WDFY4: variants seen among roughly 807,000 people sequenced by gnomAD.
The protein encoded by WDFY4 is WD repeat- and FYVE domain-containing protein 4.
Under a neutral mutation model 351.9 loss-of-function variants are expected in WDFY4, and 169 were observed. That is an observed-to-expected ratio of 0.48 (90% CI 0.42 to 0.55). The LOEUF (loss-of-function observed/expected upper bound fraction) is 0.55, where lower values mean the gene tolerates loss of function less well. WDFY4 is among the 20% of genes least tolerant of loss of function. WDFY4 has a pLI of 0.00. For missense variants in WDFY4, 3,803 were observed against 3,935.6 expected, an observed-to-expected ratio of 0.97 and a Z score of 0.90; for synonymous variants, 1,622 against 1,574.6, an observed-to-expected ratio of 1.03 and a Z score of -0.71.
intron 47 of WDFY4, among the ~76,000 whole-genome samples, chr10:48,904,603 C>T (rs1473384041): frequency 6.6e-6 from 1 of 152,118 alleles, no homozygotes. Context: ...TTCTCATAGG[C>T]GTTCTCATCA....
intron 43 of WDFY4, among the ~76,000 whole-genome samples, chr10:48,885,757 G>T (rs2070430122): frequency 6.6e-6 from 1 of 151,910 alleles, no homozygotes. Context: ...TAGATAGGTA[G>T]ATAGATAGAT....
At chr10:48,828,738 G>A (rs1368953101) in intron 36 of WDFY4, 40 bp from the exon 37 acceptor site, 10 of 1,250,148 alleles carry the variant, frequency 8.0e-6, no homozygotes, top group Non-Finnish European at 1.1e-5. Flanking sequence ...AAGGAAACTG[G>A]AATTTATTGG....
intron 20 of WDFY4, among the ~76,000 whole-genome samples, chr10:48,788,026 C>CTCCTTT (rs879558165): frequency 8.0e-6 from 1 of 124,958 alleles, no homozygotes; most frequent in Non-Finnish European, 1.6e-5. Context: ...CCTTCTCCTT[C>CTCCTTT]TCCTTTTCCT....
chr10:48,803,597 G>A (rs538698326), intron 25 of WDFY4, among the ~76,000 whole-genome samples: 1 of 152,268 alleles, frequency 6.6e-6, no homozygotes, highest in South Asian at 2.1e-4. Flanking sequence ...AGCACATACT[G>A]GGGGCTCAGC....
chr10:48,724,625 G>A (rs2064203287), intron 5 of WDFY4, among the ~76,000 whole-genome samples: 2 of 152,200 alleles, frequency 1.3e-5, no homozygotes, highest in South Asian at 4.1e-4. Flanking sequence ...GTGCCACAGG[G>A]AATAGACCAT....
chr10:48,963,772 C>T (rs1841962944), intron 53 of WDFY4, 70 bp from the exon 54 acceptor site: 5 of 1,457,294 alleles, frequency 3.4e-6, no homozygotes, highest in Admixed American at 2.0e-5. Flanking sequence ...GTGCCCCTTC[C>T]AATCTGTGCA....
In WDFY4 at chr10:48,731,301, C is replaced by T. The variant is rs1248183244; in HGVS notation, c.1321C>T (p.Pro441Ser). 6.4e-7 allele frequency: 1 copy of T among 1,551,792 alleles called. No homozygotes were observed. The highest frequency in any genetic ancestry group is 1.4e-5 in the African/African-American group (1 of 73,062). ...GTTTGTAGAGATCATGCCCCTGAAG[C>T]CGGCCCCAGTGCAGGAACACTTCTT... Reference protein sequence around the residue: ...SQFVEIMPLKPAPVQEHFFQL... With the variant: ...SQFVEIMPLKSAPVQEHFFQL... The change falls in exon 9 of 62, where the codon CCG becomes TCG. Residue 441 changes from proline to serine, a missense_variant. By Grantham distance (74) the Pro-to-Ser change is moderately conservative. Around this residue, in one of 3 missense-constraint regions of WDFY4, gnomAD observed 261 missense variants for 330.2 expected, o/e 0.79. Transcript: ENST00000325239.
intron 27 of WDFY4, among the ~76,000 whole-genome samples, chr10:48,807,311 C>T (rs991815444): frequency 6.6e-6 from 1 of 152,218 alleles, no homozygotes; most frequent in African/African-American, 2.4e-5. Flanking sequence ...CATATTAAAG[C>T]ATTGTTAATA....
At chr10:48,792,830 A>T (rs911025159) in intron 23 of WDFY4, among the ~76,000 whole-genome samples, 3 of 152,232 alleles carry the variant, frequency 2.0e-5, no homozygotes, top group Non-Finnish European at 4.4e-5. Flanking sequence ...CAGAAAGCTC[A>T]GACTACCTCA....
intron 39 of WDFY4, among the ~76,000 whole-genome samples, chr10:48,865,070 G>A (rs1255283848): frequency 6.6e-6 from 1 of 152,052 alleles, no homozygotes; most frequent in Admixed American, 6.6e-5. Context: ...TTGTCTGGTT[G>A]TCCTGTCTAG....
At chr10:48,705,605 G>T (rs894224402) in intron 1 of WDFY4, among the ~76,000 whole-genome samples, 1 of 152,134 alleles carries the variant, frequency 6.6e-6, no homozygotes, top group Admixed American at 6.5e-5. Context: ...AGATGAGCAG[G>T]AGGTGGGGCA....
At chr10:48,887,890 C>A (rs2070533176) in intron 43 of WDFY4, among the ~76,000 whole-genome samples, 1 of 152,072 alleles carries the variant, frequency 6.6e-6, no homozygotes, top group South Asian at 2.1e-4. Context: ...TGAAAGCCAC[C>A]TGAATCAAAA....
chr10:48,910,851 G>A (rs943653273), intron 47 of WDFY4: 1 of 942,394 alleles, frequency 1.1e-6, no homozygotes, highest in African/African-American at 1.8e-5. Flanking sequence ...GCGGGGAAGG[G>A]AGGACGTGGA....
intron 12 of WDFY4, among the ~76,000 whole-genome samples, chr10:48,747,722 T>C (rs536259712): frequency 3.3e-5 from 5 of 152,248 alleles, no homozygotes; most frequent in Non-Finnish European, 7.3e-5. Context: ...CTTGATTTGA[T>C]AGCCCTTTTC....
intron 14 of WDFY4, 34 bp from the exon 15 acceptor site, chr10:48,775,678 G>A (rs1308812186): frequency 3.9e-6 from 6 of 1,536,608 alleles, no homozygotes; most frequent in Non-Finnish European, 5.3e-6. Flanking sequence ...CTAGTAAAAT[G>A]TCTTCATTTT....
In WDFY4 at chr10:48,736,064, C is replaced by T. The variant is rs746283366; in HGVS notation, c.1872C>T (p.Leu624=). 27 of 1,551,790 alleles carry T rather than the reference C, an allele frequency of 1.7e-5. No homozygotes were observed. The South Asian group carries it at 2.5e-4, about 14-fold the overall frequency. ...TQGELQLKLD[L]LKSLLRILVT... is the part of the protein sequence containing the mutation. ...GGGAGCTGCAGCTGAAACTGGATCT[C>T]CTGAAGGTGATTTCAAGTCCTCCTT... Residue 624 remains leucine, a synonymous_variant, in exon 11 of 62, where the codon CTC becomes CTT. Coordinates refer to ENST00000325239, the MANE Select transcript of WDFY4 (RefSeq NM_001394531.1).
At chr10:48,939,941 A>T (rs540969387) in intron 47 of WDFY4, among the ~76,000 whole-genome samples, 1 of 152,244 alleles carries the variant, frequency 6.6e-6, no homozygotes, top group Non-Finnish European at 1.5e-5. Flanking sequence ...CTTGTCTGAA[A>T]GGGAGGAGAG....
Position 48,797,467 on chromosome 10 carries a change from C to G in WDFY4, c.4410+1017C>G, listed in dbSNP as rs2066914023. Among the ~76,000 whole-genome samples the G allele has an allele frequency of 3.9e-5, 6 of 152,284 alleles. No individual in the cohort carries two copies. In the South Asian group the frequency reaches 1.2e-3, roughly 32 times the overall value. On this transcript the variant is annotated intron_variant, in intron 24 of 61. Coordinates refer to ENST00000325239, the MANE Select transcript of WDFY4 (RefSeq NM_001394531.1). ...TTACCAAGACCTAGTTAATTCTTGT[C>G]AAACCTGGATGCATTCTCTTACAGT...
chr10:48,685,456 G>C (rs2063017365), intron 1 of WDFY4, among the ~76,000 whole-genome samples: 1 of 152,212 alleles, frequency 6.6e-6, no homozygotes, highest in African/African-American at 2.4e-5. Flanking sequence ...GAGGAGTGCA[G>C]AGTTGGAGGG....
Sources: allele counts gnomAD v4.1 joint callset (sites outside exome capture counted in the v4.1 genomes callset), GRCh38; gene constraint gnomAD v4.1.1; regional missense constraint gnomAD v4.1.1; transcripts MANE v1.5; gene names NCBI Gene and HGNC (gene_info 2026-07-23, HGNC 2026-07-21).